The following ZC3H15 variants were observed in gnomAD, a reference collection of about 807,000 sequenced individuals.
The protein encoded by ZC3H15 is zinc finger CCCH-type containing 15.
A neutral mutation model predicts 51.2 loss-of-function variants in ZC3H15; 15 were observed. That is an observed-to-expected ratio of 0.29 (90% confidence interval 0.20 to 0.45). ZC3H15 has a LOEUF of 0.45. ZC3H15 is among the 20% of genes least tolerant of loss of function. The probability of loss-of-function intolerance (pLI) is 1.00; values close to 1 mark genes in which losing one functional copy is unlikely to be tolerated. For missense variants in ZC3H15, 381 were observed against 494.7 expected, an observed-to-expected ratio of 0.77 and a Z score of 2.18; for synonymous variants, 144 against 162.8, an observed-to-expected ratio of 0.88 and a Z score of 0.88.
chr2:186,507,075 A>G (rs527491088), intron 9 of ZC3H15, among the ~76,000 whole-genome samples: 3 of 152,208 alleles, frequency 2.0e-5, no homozygotes, highest in Non-Finnish European at 4.4e-5. Context: ...GTTAAAGTCA[A>G]TGAGTTCACT....
chr2:186,490,318 G>A (rs1239387926), intron 1 of ZC3H15, among the ~76,000 whole-genome samples: 3 of 152,104 alleles, frequency 2.0e-5, no homozygotes, highest in African/African-American at 7.2e-5. Flanking sequence ...ATGGAAAGAA[G>A]GAAATAATCT....
intron 1 of ZC3H15, 147 bp downstream of exon 1, chr2:186,486,604 CT>C: frequency 1.3e-6 from 1 of 772,862 alleles, no homozygotes; most frequent in Non-Finnish European, 1.9e-6. Context: ...TCTCCAGCCC[CT>C]GATGACGCTA....
chr2:186,497,782 G>T (rs1685306639), intron 2 of ZC3H15, among the ~76,000 whole-genome samples: 1 of 152,142 alleles, frequency 6.6e-6, no homozygotes, highest in African/African-American at 2.4e-5. Flanking sequence ...TGAAATGTGT[G>T]TGCTGGTAGT....
rs752676318 is a variant in ZC3H15, at chr2:186,501,429, A to AT, written c.442+11dup. 18 of 1,603,120 alleles carry AT rather than the reference A, an allele frequency of 1.1e-5. No individual in the cohort carries two copies. Among genetic ancestry groups the AT allele is most frequent in the East Asian group, 6.7e-5 (3 of 44,734 alleles). On this transcript the variant is annotated splice_donor_region_variant and intron_variant, in intron 4 of 9. Transcript: ENST00000337859. ...AGAGATGAAGAACTTGAAAAAGGTA[A>AT]TTTTTTTAAAAACACTCTCTTAAAA...
intron 4 of ZC3H15, among the ~76,000 whole-genome samples, chr2:186,502,155 G>C (rs1255768167): frequency 1.3e-5 from 2 of 152,038 alleles, no homozygotes; most frequent in Non-Finnish European, 2.9e-5. Context: ...TTCAAGACCA[G>C]CATAGGCAAC....
At chr2:186,486,590 C>A in intron 1 of ZC3H15, 133 bp downstream of exon 1, 1 of 889,428 alleles carries the variant, frequency 1.1e-6, no homozygotes, top group Non-Finnish European at 1.6e-6. Flanking sequence ...GGCCCACTGC[C>A]CCTTCTCCAG....
At chr2:186,506,129 A>G (rs894688063) in intron 8 of ZC3H15, 2 of 445,064 alleles carry the variant, frequency 4.5e-6, no homozygotes, top group Admixed American at 6.7e-5. Context: ...ATTACCTGTA[A>G]AAAGTATGTT....
chr2:186,489,470 T>A (rs1204469614), intron 1 of ZC3H15, among the ~76,000 whole-genome samples: 3 of 152,194 alleles, frequency 2.0e-5, no homozygotes, highest in African/African-American at 7.2e-5. Flanking sequence ...GAAATACTAC[T>A]TTTTTATAGT....
rs768140319 is a variant in ZC3H15 at position 186,501,394 on chromosome 2, C to T, written c.411C>T (p.Tyr137=). The T allele has an allele frequency of 1.2e-6, 2 of 1,612,334 alleles. No homozygotes were observed. Among genetic ancestry groups the T allele is most frequent in the East Asian group, 4.5e-5 (2 of 44,824 alleles). The change falls in exon 4 of 10, where the codon TAC becomes TAT. Residue 137 remains tyrosine (Y), a synonymous_variant. Transcript: ENST00000337859. ...LERKCEKRSV[Y]IDARDEELEK... Reference sequence around the variant, plus strand: ...GAAAATGTGAAAAGCGAAGTGTTTACATTGATGCAAGAGATGAAGAACTTG... The same window carrying T: ...GAAAATGTGAAAAGCGAAGTGTTTATATTGATGCAAGAGATGAAGAACTTG...
chr2:186,508,527 C>T lies in ZC3H15; in HGVS notation c.1091-16C>T, dbSNP rs1191226803. 1 of 1,611,994 alleles carries T rather than the reference C, an allele frequency of 6.2e-7. No homozygotes were observed. The highest frequency in any genetic ancestry group is 8.5e-7 in the Non-Finnish European group (1 of 1,178,802). ...TTCTGCTTCTACGCCTTACTGATTC[C>T]AGTTTTTATATTTAGAAAACAAATT... On this transcript the variant is annotated splice_polypyrimidine_tract_variant and intron_variant, in intron 9 of 9. Coordinates refer to ENST00000337859, the MANE Select transcript of ZC3H15 (RefSeq NM_018471.3).
At chr2:186,500,831 C>T (rs1385405706) in intron 3 of ZC3H15, among the ~76,000 whole-genome samples, 2 of 152,098 alleles carry the variant, frequency 1.3e-5, no homozygotes, top group Non-Finnish European at 2.9e-5. Flanking sequence ...CGCACTACCA[C>T]GCCCAGCTAG....
At position 186,497,890 on chromosome 2, in the gene ZC3H15, C is replaced by T. The variant is rs549517317; in HGVS notation, c.178-2292C>T. 7.2e-5 allele frequency among the ~76,000 whole-genome samples: 11 copies of T among 152,222 alleles called. No individual in the cohort carries two copies. In the South Asian group the frequency reaches 2.3e-3, roughly 32 times the overall value. ...GGTACCTACCCATCATATATAACAT[C>T]GGAAATGAGCAGTAGTGCTGCTCTT... is the stretch of plus-strand genomic sequence containing the variant. On this transcript the variant is annotated intron_variant, in intron 2 of 9. Transcript: ENST00000337859.
In ZC3H15 at chr2:186,509,046, G is replaced by A. The variant is rs1233396050; in HGVS notation, c.*313G>A. The A allele has an allele frequency of 4.0e-6, 2 of 496,246 alleles. No homozygotes were observed. The highest frequency in any genetic ancestry group is 5.7e-5 in the East Asian group (1 of 17,542). 30.7% of individuals were successfully genotyped at this position (496,246 alleles called of 1,614,324 possible). ...CATCTTTTGGTTTTCATTTGGGCAT[G>A]TGCTATTACCAGAAACAACAAACTT... is the stretch of plus-strand genomic sequence containing the variant. On this transcript the variant is annotated 3_prime_UTR_variant, in exon 10 of 10. Coordinates refer to ENST00000337859, the MANE Select transcript of ZC3H15 (RefSeq NM_018471.3).
chr2:186,506,681 G>T, intron 8 of ZC3H15, 32 bp from the exon 9 acceptor site: 1 of 1,581,636 alleles, frequency 6.3e-7, no homozygotes, highest in Non-Finnish European at 8.6e-7. Flanking sequence ...GTTCTTATTT[G>T]TAACAACTTT....
chr2:186,506,041 G>A (rs1685461725), intron 8 of ZC3H15, 200 bp downstream of exon 8: 1 of 677,806 alleles, frequency 1.5e-6, no homozygotes, highest in East Asian at 2.8e-5. Context: ...TAGTTTGTGA[G>A]AATTAATCGA....
chr2:186,499,884 T>G (rs912597616), intron 2 of ZC3H15, among the ~76,000 whole-genome samples: 1 of 152,218 alleles, frequency 6.6e-6, no homozygotes, highest in Non-Finnish European at 1.5e-5. Flanking sequence ...TGGGTTGTTT[T>G]CACAGAAGAA....
chr2:186,495,974 T>G (rs530508307), intron 2 of ZC3H15, among the ~76,000 whole-genome samples: 2 of 152,356 alleles, frequency 1.3e-5, no homozygotes, highest in Admixed American at 1.3e-4. Context: ...TTATTTGCTT[T>G]ATTGGTTGTC....
chr2:186,497,676 C>T (rs1685304916), intron 2 of ZC3H15, among the ~76,000 whole-genome samples: 1 of 152,186 alleles, frequency 6.6e-6, no homozygotes, highest in East Asian at 1.9e-4. Context: ...CTTCACTTAG[C>T]CCCTTTTTCA....
intron 3 of ZC3H15, 94 bp downstream of exon 3, chr2:186,500,387 A>T: frequency 9.4e-7 from 1 of 1,068,206 alleles, no homozygotes; most frequent in Non-Finnish European, 1.4e-6. Flanking sequence ...AGATAATGAG[A>T]CAGTTATGTC....
Sources: gnomAD v4.1 joint callset for allele counts (sites outside exome capture counted in the v4.1 genomes callset) on GRCh38, gnomAD v4.1.1 for gene constraint, MANE v1.5 for transcripts, NCBI Gene and HGNC (gene_info 2026-07-23, HGNC 2026-07-21) for gene names.